ITGA6: variants seen among roughly 807,000 people sequenced by gnomAD.
ITGA6 encodes the protein integrin subunit alpha 6.
ITGA6 carries 63 observed loss-of-function variants against 133.6 expected under a neutral mutation model. The observed-to-expected ratio is 0.47, with a 90% CI of 0.38 to 0.58. The LOEUF (loss-of-function observed/expected upper bound fraction) is 0.58. ITGA6 is among the 20% of genes least tolerant of loss of function. ITGA6 has a pLI of 0.00. For synonymous variants in ITGA6, 434 were observed against 482.0 expected (o/e 0.90, Z 1.30); for missense variants, 1,068 against 1,309.4 (o/e 0.82, Z 2.85).
chr2:172,429,677 C>T (rs886185956), intron 1 of ITGA6, among the ~76,000 whole-genome samples: 1 of 152,224 alleles, frequency 6.6e-6, no homozygotes, highest in African/African-American at 2.4e-5. Context: ...GCTGAGGCAA[C>T]TCCTCCCGAG....
Position 172,479,631 on chromosome 2 carries a change from T to C in ITGA6, c.1389-10T>C, listed in dbSNP as rs768248587. Reference sequence around the variant, plus strand: ...AGGCTGAGCTTGTTTTTCACTCCTTTTGTCTTCAGATCCCGGCCTGTGATT... The same window carrying C: ...AGGCTGAGCTTGTTTTTCACTCCTTCTGTCTTCAGATCCCGGCCTGTGATT... On this transcript the variant is annotated splice_polypyrimidine_tract_variant and intron_variant, in intron 9 of 25. Transcript: ENST00000684293. 2 of 1,611,814 alleles carry C rather than the reference T, an allele frequency of 1.2e-6. No homozygotes were observed.
intron 8 of ITGA6, among the ~76,000 whole-genome samples, 175 bp downstream of exon 8, chr2:172,475,860 TA>T (rs1305191573): frequency 8.5e-5 from 13 of 152,232 alleles, no homozygotes; most frequent in African/African-American, 2.9e-4. Context: ...TATATAAATG[TA>T]ATGACTTGCT....
At chr2:172,461,083 T>C (rs1264900372) in intron 1 of ITGA6, among the ~76,000 whole-genome samples, 2 of 152,234 alleles carry the variant, frequency 1.3e-5, no homozygotes, top group Non-Finnish European at 2.9e-5. Flanking sequence ...TTGAAGAATT[T>C]TGAAATAACC....
chr2:172,444,620 C>T (rs1684679305), intron 1 of ITGA6, among the ~76,000 whole-genome samples: 1 of 116,126 alleles, frequency 8.6e-6, no homozygotes, highest in South Asian at 2.9e-4. Flanking sequence ...AAACCAAAAA[C>T]CCAAAACACT....
At chr2:172,473,273 C>G (rs907490228) in intron 5 of ITGA6, among the ~76,000 whole-genome samples, 1 of 152,208 alleles carries the variant, frequency 6.6e-6, no homozygotes, top group Non-Finnish European at 1.5e-5. Flanking sequence ...TTCACCAGAT[C>G]TGTTATTTGT....
At chr2:172,472,715 C>T (rs764431596) in intron 5 of ITGA6, 13 of 1,106,278 alleles carry the variant, frequency 1.2e-5, no homozygotes, top group Non-Finnish European at 1.8e-5. Flanking sequence ...GGCTGTCCTG[C>T]CTCTTACCAA....
intron 7 of ITGA6, 126 bp from the exon 8 acceptor site, chr2:172,475,471 A>C: frequency 4.1e-6 from 3 of 725,662 alleles, no homozygotes; most frequent in South Asian, 1.5e-5. Context: ...CTCAAAAAAA[A>C]CAAAAAAAAA....
intron 1 of ITGA6, among the ~76,000 whole-genome samples, chr2:172,459,530 C>T (rs924363652): frequency 6.6e-6 from 1 of 152,106 alleles, no homozygotes; most frequent in African/African-American, 2.4e-5. Flanking sequence ...TTTTGAGAGT[C>T]AGACTAACAC....
chr2:172,493,072 A>AT (rs1298158223), intron 23 of ITGA6, among the ~76,000 whole-genome samples: 2 of 106,244 alleles, frequency 1.9e-5, no homozygotes, highest in Non-Finnish European at 3.5e-5. Flanking sequence ...CGCCCAGCTA[A>AT]TTTTTCAGTT....
intron 24 of ITGA6, among the ~76,000 whole-genome samples, chr2:172,501,324 T>G (rs1017968948): frequency 6.6e-6 from 1 of 152,226 alleles, no homozygotes; most frequent in East Asian, 1.9e-4. Flanking sequence ...AAAATACCCA[T>G]AGTATATCTA....
In ITGA6 at chr2:172,465,476, CTGATT is replaced by C. The variant is rs1685617837; in HGVS notation, c.183-61_183-57del. On this transcript the variant is annotated intron_variant, in intron 1 of 25. Coordinates refer to ENST00000684293, the MANE Select transcript of ITGA6 (RefSeq NM_000210.4). ...TAATCCCACTATCTCCTAGTTCTGA[CTGATT>C]TAACTGTTAAACGTATATTAAATTC... 6 of 1,583,200 alleles carry C rather than the reference CTGATT, an allele frequency of 3.8e-6. 1 individual carries two copies. Among genetic ancestry groups the C allele is most frequent in the South Asian group, 2.2e-5 (2 of 90,480 alleles).
chr2:172,472,821 G>C, intron 5 of ITGA6: 1 of 1,612,696 alleles, frequency 6.2e-7, no homozygotes, highest in Non-Finnish European at 8.5e-7. Flanking sequence ...TGATCAGTTT[G>C]TTTATAAAAC....
chr2:172,468,159 T>C (rs950257017), intron 3 of ITGA6, among the ~76,000 whole-genome samples: 4 of 152,214 alleles, frequency 2.6e-5, no homozygotes, highest in African/African-American at 9.6e-5. Context: ...TCCTTGGAAT[T>C]TTATAGCTTT....
intron 9 of ITGA6, among the ~76,000 whole-genome samples, chr2:172,479,200 A>G (rs531549320): frequency 3.3e-4 from 51 of 152,342 alleles, no homozygotes; most frequent in African/African-American, 1.0e-3. Flanking sequence ...GTGTATATAC[A>G]GGACAAGACC....
intron 24 of ITGA6, among the ~76,000 whole-genome samples, chr2:172,498,315 T>C (rs1687213767): frequency 6.6e-6 from 1 of 152,244 alleles, no homozygotes; most frequent in South Asian, 2.1e-4. Context: ...TTGTACACAA[T>C]AAGTTTCTTC....
In ITGA6 at chr2:172,427,606, G is replaced by C. The variant is rs1191158206; in HGVS notation, c.-183G>C. 7.8e-7 allele frequency: 1 copy of C among 1,275,016 alleles called. No individual in the cohort carries two copies. The highest frequency in any genetic ancestry group is 2.6e-5 in the South Asian group (1 of 38,480). 79.0% of individuals were successfully genotyped at this position (1,275,016 alleles called of 1,614,324 possible). On this transcript the variant is annotated 5_prime_UTR_variant, in exon 1 of 26. Coordinates refer to ENST00000684293, the MANE Select transcript of ITGA6 (RefSeq NM_000210.4). ...AGAACAACGGGCTCATTCAGCGGTC[G>C]CGAGCTGCCCGCGAGGGGGAGCGGC...
rs769943700 is a variant in ITGA6, at chr2:172,476,426, A to G, written c.1301A>G (p.Tyr434Cys). Reference protein sequence around the residue: ...VLKGISPYFGYSIAGNMDLDR... With the variant: ...VLKGISPYFGCSIAGNMDLDR... ...AAGGGTATATCACCTTATTTTGGATATTCAATTGCTGGAAACATGGACCTT... is the reference window on the plus strand; with the variant it reads ...AAGGGTATATCACCTTATTTTGGATGTTCAATTGCTGGAAACATGGACCTT... Residue 434 changes from tyrosine (Y) to cysteine (C), a missense_variant, in exon 9 of 26, where the codon TAT (tyrosine) becomes TGT (cysteine). Physicochemically the swap from Tyr to Cys is radical, Grantham distance 194 (BLOSUM62 -2). Transcript: ENST00000684293. The G allele has an allele frequency of 6.2e-7, 1 of 1,611,236 alleles. No individual in the cohort carries two copies. Among genetic ancestry groups the G allele is most frequent in the South Asian group, 1.1e-5 (1 of 91,026 alleles).
At chr2:172,467,620 C>A in intron 3 of ITGA6, 60 bp downstream of exon 3, 2 of 1,301,470 alleles carry the variant, frequency 1.5e-6, no homozygotes, top group Non-Finnish European at 2.2e-6. Flanking sequence ...GTGCCAGCAC[C>A]AGGCTTACAG....
chr2:172,444,828 G>A (rs972109379), intron 1 of ITGA6, among the ~76,000 whole-genome samples: 21 of 151,522 alleles, frequency 1.4e-4, no homozygotes, highest in Middle Eastern at 3.4e-3. Context: ...TGTAGCTCCC[G>A]TGCTATGGCC....
Sources: allele counts gnomAD v4.1 joint callset (sites outside exome capture counted in the v4.1 genomes callset), GRCh38; gene constraint gnomAD v4.1.1; transcripts MANE v1.5; gene names NCBI Gene and HGNC (gene_info 2026-07-23, HGNC 2026-07-21).